The following IL31RA variants were observed in gnomAD, a reference collection of about 807,000 sequenced individuals.
IL31RA encodes interleukin-31 receptor subunit alpha.
Under a neutral mutation model 83.7 loss-of-function variants are expected in IL31RA, and 66 were observed. The ratio of observed to expected loss-of-function variants is 0.79; its 90% confidence interval spans 0.65 to 0.97. The LOEUF (loss-of-function observed/expected upper bound fraction) is 0.97, where lower values mean the gene tolerates loss of function less well. IL31RA is among the 50% of genes least tolerant of loss of function. The pLI is 0.00. For missense variants in IL31RA, 798 were observed against 919.4 expected (o/e 0.87, Z 1.71); for synonymous variants, 325 against 329.0 (o/e 0.99, Z 0.13).
At chr5:55,883,293 C>A in intron 5 of IL31RA, 98 bp downstream of exon 5, 2 of 1,120,852 alleles carry the variant, frequency 1.8e-6, no homozygotes, top group Non-Finnish European at 2.7e-6. Context: ...TCACTTTTTA[C>A]ATTAAAAATA....
In IL31RA at chr5:55,851,519, T is replaced by C; in HGVS notation, c.-52T>C. ...CATGAAAAGACATGTGTGTGCAGTA[T>C]GAAAATTGAGACAGGAAGGCAGAGT... On this transcript the variant is annotated 5_prime_UTR_variant, in exon 1 of 15. It removes an upstream start codon present in the reference 5' UTR. Coordinates refer to ENST00000652347, the MANE Select transcript of IL31RA (RefSeq NM_139017.7). 4 of 1,613,904 alleles carry C rather than the reference T, an allele frequency of 2.5e-6. No homozygotes were observed. Among genetic ancestry groups the C allele is most frequent in the Non-Finnish European group, 2.5e-6 (3 of 1,179,874 alleles).
At chr5:55,859,623 C>T (rs747323234) in intron 2 of IL31RA, 24 bp downstream of exon 2, 35 of 1,462,952 alleles carry the variant, frequency 2.4e-5, no homozygotes, top group Middle Eastern at 1.7e-4. Context: ...GGCCCTTTTA[C>T]AGATCATGTG....
Position 55,861,600 on chromosome 5 carries a change from A to G in IL31RA, c.154+2001A>G, listed in dbSNP as rs184643641. Among the ~76,000 whole-genome samples the G allele has an allele frequency of 1.9e-3, 295 of 152,322 alleles. 7 individuals are homozygous for G. The highest frequency in any genetic ancestry group is 5.0e-4 in the Non-Finnish European group (34 of 68,018). On this transcript the variant is annotated intron_variant, in intron 2 of 14. Coordinates refer to ENST00000652347, the MANE Select transcript of IL31RA (RefSeq NM_139017.7). ...AAACTGGTCCCTGGTGCCAAAATGTAGGGGACTGCTGTGATAGAAAATAGA... is the reference window on the plus strand; with the variant it reads ...AAACTGGTCCCTGGTGCCAAAATGTGGGGGACTGCTGTGATAGAAAATAGA...
At chr5:55,851,267 A>T (rs984185643), upstream of IL31RA, 12 of 460,912 alleles carry the variant, frequency 2.6e-5, no homozygotes, top group Non-Finnish European at 4.8e-5. Context: ...TACATTGTTG[A>T]TTCATCAACA....
At chr5:55,898,835 A>C (rs1002104254) in intron 7 of IL31RA, among the ~76,000 whole-genome samples, 1 of 152,032 alleles carries the variant, frequency 6.6e-6, no homozygotes, top group African/African-American at 2.4e-5. Context: ...ACCAGCTTGG[A>C]CAACACAGCA....
upstream of IL31RA, among the ~76,000 whole-genome samples, chr5:55,846,684 C>G (rs1034181549): frequency 6.6e-6 from 1 of 152,002 alleles, no homozygotes; most frequent in Non-Finnish European, 1.5e-5. Context: ...GTAATCTCAG[C>G]TACTTGGGAG....
upstream of IL31RA, among the ~76,000 whole-genome samples, chr5:55,848,033 T>C (rs561723292): frequency 6.6e-6 from 1 of 152,318 alleles, no homozygotes; most frequent in African/African-American, 2.4e-5. Context: ...ATATCAGGGA[T>C]TGGTTATATC....
At chr5:55,846,292 C>T in the IL31RA span, among the ~76,000 whole-genome samples, 3 of 152,186 alleles carry the variant, frequency 2.0e-5, no homozygotes, top group Non-Finnish European at 4.4e-5. Flanking sequence ...GAACCAGAAC[C>T]TGGAAGTCCC....
At chr5:55,905,246 G>T (rs1159224240) in intron 8 of IL31RA, among the ~76,000 whole-genome samples, 2 of 151,486 alleles carry the variant, frequency 1.3e-5, no homozygotes, top group Non-Finnish European at 2.9e-5. Context: ...AAAAAGAAAC[G>T]CTTTTCCCAT....
chr5:55,840,565 A>C, the IL31RA span, among the ~76,000 whole-genome samples: 1 of 152,202 alleles, frequency 6.6e-6, no homozygotes, highest in Non-Finnish European at 1.5e-5. Context: ...GAACAGAAAA[A>C]AATGTCCTGC....
chr5:55,856,224 G>A (rs1376629361), intron 1 of IL31RA, among the ~76,000 whole-genome samples: 1 of 152,180 alleles, frequency 6.6e-6, no homozygotes, highest in Admixed American at 6.5e-5. Flanking sequence ...GACACCACTA[G>A]TTACTTAAGT....
chr5:55,919,069 G>C lies in IL31RA; in HGVS notation c.*1949G>C, dbSNP rs547246320. Among the ~76,000 whole-genome samples the C allele has an allele frequency of 6.6e-6, 1 of 152,276 alleles. No homozygotes were observed. Among genetic ancestry groups the C allele is most frequent in the Non-Finnish European group, 1.5e-5 (1 of 68,020 alleles). On this transcript the variant is annotated 3_prime_UTR_variant, in exon 15 of 15. Transcript: ENST00000652347. ...GTGTGGGCTCTTCTGTGAGCCCACT[G>C]TCCCCAGAGTTCCAGATGGGGCCTT...
At position 55,859,614 on chromosome 5, in the gene IL31RA, G is replaced by C. The variant is rs1219728164; in HGVS notation, c.154+15G>C. ...CAGCCTGGCAGGTAGGTTGACCTGG[G>C]CCCTTTTACAGATCATGTGATTATT... On this transcript the variant is annotated intron_variant, in intron 2 of 14. Coordinates refer to ENST00000652347, the MANE Select transcript of IL31RA (RefSeq NM_139017.7). 1 of 1,541,650 alleles carries C rather than the reference G, an allele frequency of 6.5e-7. No individual in the cohort carries two copies. The highest frequency in any genetic ancestry group is 1.4e-5 in the African/African-American group (1 of 73,548).
At chr5:55,848,666 CT>C (rs1280167455), upstream of IL31RA, among the ~76,000 whole-genome samples, 1 of 152,156 alleles carries the variant, frequency 6.6e-6, no homozygotes, top group Non-Finnish European at 1.5e-5. Context: ...ATGATTATTT[CT>C]TTTAGATAAA....
At chr5:55,890,667 G>A (rs776252608) in intron 6 of IL31RA, among the ~76,000 whole-genome samples, 18 of 152,270 alleles carry the variant, frequency 1.2e-4, no homozygotes, top group Non-Finnish European at 2.2e-4. Context: ...ACTGTGCCCC[G>A]CCAGTATCAT....
intron 11 of IL31RA, chr5:55,908,770 C>G: frequency 7.0e-7 from 1 of 1,426,884 alleles, no homozygotes. Context: ...GTCACCATGA[C>G]TTCTACTGCC....
chr5:55,910,126 T>C (rs1441073403), intron 11 of IL31RA, among the ~76,000 whole-genome samples: 1 of 152,268 alleles, frequency 6.6e-6, no homozygotes, highest in Non-Finnish European at 1.5e-5. Context: ...TATAAGTTAT[T>C]TATCAGATAT....
chr5:55,859,420 C>T (rs1745537975), intron 1 of IL31RA, 89 bp from the exon 2 acceptor site: 1 of 955,970 alleles, frequency 1.0e-6, no homozygotes, highest in Non-Finnish European at 1.7e-6. Context: ...TTCCTCCTTC[C>T]AAAATCCCCA....
chr5:55,849,299 T>G (rs1745000503), upstream of IL31RA, among the ~76,000 whole-genome samples: 1 of 151,952 alleles, frequency 6.6e-6, no homozygotes. Context: ...ATTTTAGACA[T>G]TATCTATTGA....
Sources: gnomAD v4.1 joint callset for allele counts (sites outside exome capture counted in the v4.1 genomes callset) on GRCh38, gnomAD v4.1.1 for gene constraint, MANE v1.5 for transcripts, NCBI Gene and HGNC (gene_info 2026-07-23, HGNC 2026-07-21) for gene names.